Variants in COL21A1 observed in about 807,000 individuals in gnomAD.
COL21A1 encodes the protein collagen type XXI alpha 1 chain, also known as collagen alpha-1(XXI) chain.
COL21A1 carries 149 observed loss-of-function variants against 137.9 expected under a neutral mutation model. That is an observed-to-expected ratio of 1.08 (90% CI 0.95 to 1.24). COL21A1 has a LOEUF of 1.24. Ranked by LOEUF, COL21A1 falls within the 50% of genes most tolerant of loss-of-function variation. The pLI is 0.00. For missense variants in COL21A1, 1,167 were observed against 1,158.4 expected, an observed-to-expected ratio of 1.01 and a Z score of -0.11; for synonymous variants, 456 against 391.5, an observed-to-expected ratio of 1.16 and a Z score of -1.95.
chr6:56,162,192 T>C (rs1776248227), intron 9 of COL21A1, among the ~76,000 whole-genome samples: 1 of 152,210 alleles, frequency 6.6e-6, no homozygotes, highest in African/African-American at 2.4e-5. Flanking sequence ...TACAGGTCCA[T>C]GTTCTGGGTA....
intron 16 of COL21A1, among the ~76,000 whole-genome samples, chr6:56,113,137 A>T (rs80234518): frequency 1.3e-5 from 2 of 152,228 alleles, no homozygotes; most frequent in East Asian, 3.9e-4. Flanking sequence ...TCTGCAACTC[A>T]TAAAAGAATC....
chr6:56,201,940 C>A (rs1779435098), intron 1 of COL21A1, among the ~76,000 whole-genome samples: 1 of 152,166 alleles, frequency 6.6e-6, no homozygotes, highest in East Asian at 1.9e-4. Flanking sequence ...AATGTTTACT[C>A]TTCCCTCAGT....
chr6:56,325,280 A>T (rs1307275176), intron 1 of COL21A1, among the ~76,000 whole-genome samples: 1 of 35,186 alleles, frequency 2.8e-5, no homozygotes, highest in African/African-American at 1.0e-4. Context: ...TATATTATAT[A>T]ATATTATATT....
chr6:56,149,835 G>C (rs1775145415), intron 10 of COL21A1, among the ~76,000 whole-genome samples: 1 of 152,150 alleles, frequency 6.6e-6, no homozygotes, highest in African/African-American at 2.4e-5. Context: ...AGAGCCTCCT[G>C]ACTTCTCCTT....
chr6:56,339,898 C>A (rs775502855), intron 1 of COL21A1, among the ~76,000 whole-genome samples: 2 of 152,052 alleles, frequency 1.3e-5, no homozygotes, highest in African/African-American at 2.4e-5. Context: ...TATATAAATG[C>A]AAGCAGCTAG....
At position 56,171,058 on chromosome 6, in the gene COL21A1, T is replaced by C. The variant is rs748033469; in HGVS notation, c.711A>G (p.Leu237=). 1.6e-5 allele frequency: 26 copies of C among 1,610,104 alleles called. No homozygotes were observed. The Admixed American group carries it at 3.4e-4, about 21-fold the overall frequency. The stretch of plus-strand genomic sequence containing the variant: ...TTTTCTTAACCTTTTTATTTACATC[T>C]AAACCTAAAAGAATATCAAATCCCC... ...DERGFDILLG[L]DVNKKVKKRI... Residue 237 remains leucine, a synonymous_variant, in exon 4 of 30, where the codon TTA becomes TTG. Transcript: ENST00000244728.
intron 1 of COL21A1, among the ~76,000 whole-genome samples, chr6:56,383,425 T>C (rs2094012000): frequency 6.6e-6 from 1 of 152,204 alleles, no homozygotes; most frequent in Non-Finnish European, 1.5e-5. Context: ...AAGAACTGTT[T>C]TCTTAGGTGA....
At chr6:56,296,866 C>T (rs1268812827) in intron 1 of COL21A1, among the ~76,000 whole-genome samples, 2 of 151,980 alleles carry the variant, frequency 1.3e-5, no homozygotes, top group African/African-American at 4.8e-5. Context: ...TGGAAATATG[C>T]CACATTTTAT....
intron 1 of COL21A1, among the ~76,000 whole-genome samples, chr6:56,221,616 T>A (rs1460248114): frequency 2.0e-5 from 3 of 152,012 alleles, no homozygotes; most frequent in Non-Finnish European, 2.9e-5. Context: ...TTCCAGTGAC[T>A]CAGGAGGTGA....
upstream of COL21A1, among the ~76,000 whole-genome samples, chr6:56,249,034 C>G (rs1004011524): frequency 1.3e-4 from 20 of 152,140 alleles, no homozygotes; most frequent in Non-Finnish European, 2.4e-4. Context: ...TCTTACAACT[C>G]AAGAGTAAAA....
chr6:56,364,570 G>A (rs1766053935), intron 1 of COL21A1, among the ~76,000 whole-genome samples: 1 of 152,110 alleles, frequency 6.6e-6, no homozygotes, highest in South Asian at 2.1e-4. Context: ...CTGGTGAAAG[G>A]GGCTTTGTGC....
At chr6:56,192,119 A>T (rs1419179336) in intron 1 of COL21A1, among the ~76,000 whole-genome samples, 3 of 152,176 alleles carry the variant, frequency 2.0e-5, no homozygotes, top group Non-Finnish European at 2.9e-5. Flanking sequence ...CCTATTAATA[A>T]ATGGTGTTGG....
intron 1 of COL21A1, among the ~76,000 whole-genome samples, chr6:56,233,182 A>G (rs1781691719): frequency 6.6e-6 from 1 of 151,880 alleles, no homozygotes; most frequent in South Asian, 2.1e-4. Flanking sequence ...CCAAGAGAAG[A>G]AGCAGCCATA....
intron 10 of COL21A1, among the ~76,000 whole-genome samples, chr6:56,151,890 C>T (rs1775357143): frequency 6.6e-6 from 1 of 152,110 alleles, no homozygotes; most frequent in African/African-American, 2.4e-5. Context: ...GCCTGACCAC[C>T]CAACGTCACA....
chr6:56,145,208 T>C (rs1438573868), intron 10 of COL21A1, among the ~76,000 whole-genome samples: 1 of 152,186 alleles, frequency 6.6e-6, no homozygotes, highest in Admixed American at 6.5e-5. Flanking sequence ...GTGTATTTTG[T>C]AATGGCTCTC....
At chr6:56,174,833 G>A (rs1777330228) in intron 3 of COL21A1, among the ~76,000 whole-genome samples, 1 of 151,914 alleles carries the variant, frequency 6.6e-6, no homozygotes, top group African/African-American at 2.4e-5. Context: ...TGATACCAAA[G>A]CCAGAAAAAG....
chr6:56,283,519 C>T (rs1271060879), intron 1 of COL21A1, among the ~76,000 whole-genome samples: 1 of 152,150 alleles, frequency 6.6e-6, no homozygotes, highest in Admixed American at 6.5e-5. Context: ...TTATTCTCTT[C>T]TTCAACTTTC....
intron 1 of COL21A1, among the ~76,000 whole-genome samples, chr6:56,278,360 CA>C (rs1763716651): frequency 6.6e-6 from 1 of 152,100 alleles, no homozygotes; most frequent in Non-Finnish European, 1.5e-5. Context: ...CAGAAGGGAG[CA>C]AAAGGTTTGA....
At chr6:56,090,873 G>T (rs1016315314) in intron 17 of COL21A1, among the ~76,000 whole-genome samples, 5 of 151,618 alleles carry the variant, frequency 3.3e-5, no homozygotes, top group Non-Finnish European at 7.4e-5. Flanking sequence ...AGTTAAAGTT[G>T]GTTTACTCGG....
Sources: gnomAD v4.1 joint callset for allele counts (sites outside exome capture counted in the v4.1 genomes callset) on GRCh38, gnomAD v4.1.1 for gene constraint, MANE v1.5 for transcripts, NCBI Gene and HGNC (gene_info 2026-07-23, HGNC 2026-07-21) for gene names.